The following CABLES1 variants were observed in gnomAD, a reference collection of about 807,000 sequenced individuals.
The protein encoded by CABLES1 is Cdk5 and Abl enzyme substrate 1.
CABLES1 carries 36 observed loss-of-function variants against 57.8 expected under a neutral mutation model. The observed-to-expected ratio is 0.62, with a 90% confidence interval of 0.48 to 0.82. CABLES1 has a LOEUF of 0.82. Ranked by LOEUF, CABLES1 falls within the 40% of genes least tolerant of loss-of-function variation. The probability of loss-of-function intolerance (pLI) is 0.00; values close to 1 mark genes in which losing one functional copy is unlikely to be tolerated. For missense variants in CABLES1, 767 were observed against 836.6 expected, an observed-to-expected ratio of 0.92 and a Z score of 1.03; for synonymous variants, 374 against 363.0, an observed-to-expected ratio of 1.03 and a Z score of -0.35.
intron 1 of CABLES1, among the ~76,000 whole-genome samples, chr18:23,166,683 A>G (rs567752887): frequency 1.1e-4 from 16 of 152,342 alleles, no homozygotes; most frequent in African/African-American, 3.8e-4. Context: ...TCTGTCAGTT[A>G]TAATTTTTTG....
At chr18:23,144,386 C>T (rs2046878402) in intron 1 of CABLES1, among the ~76,000 whole-genome samples, 2 of 152,350 alleles carry the variant, frequency 1.3e-5, no homozygotes, top group South Asian at 2.1e-4. Context: ...TGTTTTCATC[C>T]AGCAGTTGCT....
At chr18:23,185,707 A>G (rs1308470787) in intron 1 of CABLES1, among the ~76,000 whole-genome samples, 1 of 152,162 alleles carries the variant, frequency 6.6e-6, no homozygotes, top group East Asian at 1.9e-4. Flanking sequence ...TTGCCTATTT[A>G]CTGGTCACCT....
intron 9 of CABLES1, 71 bp downstream of exon 9, chr18:23,254,007 C>T (rs899875968): frequency 1.9e-5 from 25 of 1,301,036 alleles, no homozygotes; most frequent in South Asian, 3.6e-5. Flanking sequence ...CAGAAGGATT[C>T]GGTCAGTGAC....
At chr18:23,209,558 C>T (rs773184122) in intron 3 of CABLES1, among the ~76,000 whole-genome samples, 101 of 152,262 alleles carry the variant, frequency 6.6e-4, no homozygotes, top group Admixed American at 1.5e-3. Context: ...CACCCCTGGG[C>T]TGTGTTTGGG....
chr18:23,182,804 G>A (rs1366152216), intron 1 of CABLES1, among the ~76,000 whole-genome samples: 2 of 152,202 alleles, frequency 1.3e-5, no homozygotes, highest in Non-Finnish European at 2.9e-5. Context: ...TAGGGGATTG[G>A]CCTTGATCAG....
rs138828284 is a variant in CABLES1, at chr18:23,189,874, A to G, written c.917+965A>G. Among the ~76,000 whole-genome samples, 333 of 152,364 alleles carry G rather than the reference A, an allele frequency of 2.2e-3. 4 individuals carry two copies. The highest frequency in any genetic ancestry group is 3.6e-3 in the Non-Finnish European group (243 of 68,036). On this transcript the variant is annotated intron_variant, in intron 2 of 9. Coordinates refer to ENST00000256925, the MANE Select transcript of CABLES1 (RefSeq NM_001100619.3). ...GCCCATGTCTGTAGGCTCCGCCTGC[A>G]TGAAGAACAGAGGGCAGAGTGAGCA...
chr18:23,178,072 C>T (rs564664388), intron 1 of CABLES1, among the ~76,000 whole-genome samples: 1 of 152,306 alleles, frequency 6.6e-6, no homozygotes, highest in Non-Finnish European at 1.5e-5. Flanking sequence ...TTTCCCTTTC[C>T]AATATTCCCT....
intron 9 of CABLES1, 135 bp from the exon 10 acceptor site, chr18:23,257,092 T>A: frequency 1.0e-6 from 1 of 961,740 alleles, no homozygotes; most frequent in South Asian, 1.6e-5. Context: ...CCTCCCTTTC[T>A]TCCTCCACAG....
chr18:23,236,065 G>C lies in CABLES1; in HGVS notation c.1342+14G>C. 1 of 1,613,216 alleles carries C rather than the reference G, an allele frequency of 6.2e-7. No homozygotes were observed. Among genetic ancestry groups the C allele is most frequent in the Non-Finnish European group, 8.5e-7 (1 of 1,179,772 alleles). On this transcript the variant is annotated intron_variant, in intron 6 of 9. Transcript: ENST00000256925. The stretch of plus-strand genomic sequence containing the variant: ...GCCTCGACACAGGTAACCTTGGCCT[G>C]GCTGGGTCTGGTAGCTCGTGGTGGG...
At chr18:23,135,200 T>C (rs1249922933), upstream of CABLES1, among the ~76,000 whole-genome samples, 2 of 152,086 alleles carry the variant, frequency 1.3e-5, no homozygotes, top group African/African-American at 4.8e-5. Flanking sequence ...CGCACCTGGC[T>C]TCCGCGGCCC....
intron 1 of CABLES1, among the ~76,000 whole-genome samples, chr18:23,143,808 G>A (rs2046873434): frequency 9.9e-6 from 1 of 100,778 alleles, no homozygotes; most frequent in South Asian, 4.0e-4. Flanking sequence ...CCTGGCTTCT[G>A]TTTGGACCCC....
intron 7 of CABLES1, among the ~76,000 whole-genome samples, chr18:23,246,070 A>T (rs2047870885): frequency 6.6e-6 from 1 of 152,144 alleles, no homozygotes; most frequent in Non-Finnish European, 1.5e-5. Flanking sequence ...GATCGAGACC[A>T]TCCTGGCCAA....
chr18:23,206,272 C>T (rs930464470), intron 3 of CABLES1, among the ~76,000 whole-genome samples: 14 of 152,212 alleles, frequency 9.2e-5, no homozygotes, highest in African/African-American at 2.7e-4. Flanking sequence ...TCCCAAACCC[C>T]GACTTCCCCA....
At position 23,235,796 on chromosome 18, in the gene CABLES1, G is replaced by A. The variant is rs2047603078; in HGVS notation, c.1186-99G>A. 1.4e-5 allele frequency: 16 copies of A among 1,183,044 alleles called. No individual in the cohort carries two copies. In the South Asian group the frequency reaches 2.3e-4, roughly 17 times the overall value. 73.3% of individuals were successfully genotyped at this position (1,183,044 alleles called of 1,614,324 possible). ...ATTTCAGAATTGCAAATAGGAGAAAGTGGACCTGAATGTGGGGTGACAACT... is the reference window on the plus strand; with the variant it reads ...ATTTCAGAATTGCAAATAGGAGAAAATGGACCTGAATGTGGGGTGACAACT... On this transcript the variant is annotated intron_variant, in intron 5 of 9. Transcript: ENST00000256925.
In CABLES1 at chr18:23,135,998, C is replaced by T. The variant is rs2046816624; in HGVS notation, c.236C>T (p.Pro79Leu). 1.8e-6 allele frequency: 2 copies of T among 1,139,542 alleles called. No individual in the cohort carries two copies. Among genetic ancestry groups the T allele is most frequent in the South Asian group, 4.1e-5 (1 of 24,600 alleles). The allele number at this position is 1,139,542 out of a possible 1,614,324, so 70.6% of individuals were successfully genotyped here. Reference sequence around the variant, plus strand: ...AACATCTCGCTGGACGGCCGGCTGCCGCCGCAGGACGCGGAGTGGGGCGGT... The same window carrying T: ...AACATCTCGCTGGACGGCCGGCTGCTGCCGCAGGACGCGGAGTGGGGCGGT... ...LTNISLDGRL[P>L]PQDAEWGGGE... is the part of the protein sequence containing the mutation. Residue 79 changes from proline to leucine, a missense_variant, in exon 1 of 10, where the codon CCG becomes CTG. Coordinates refer to ENST00000256925, the MANE Select transcript of CABLES1 (RefSeq NM_001100619.3).
rs1490411691 is a variant in CABLES1 at position 23,257,324 on chromosome 18, A to G, written c.1859A>G (p.His620Arg). 1.9e-6 allele frequency: 3 copies of G among 1,613,932 alleles called. No homozygotes were observed. In the South Asian group the frequency reaches 3.3e-5, roughly 18 times the overall value. ...GAATTCGCCCTCCACTTGCCCGAGC[A>G]CGAAGTCATGCCCCACTACAGACGG... ...ALEFALHLPE[H>R]EVMPHYRRLV... Residue 620 changes from histidine to arginine, a missense_variant, in exon 10 of 10, where the codon CAC becomes CGC. Transcript: ENST00000256925.
chr18:23,165,243 CA>C (rs1213240498), intron 1 of CABLES1, among the ~76,000 whole-genome samples: 1 of 152,108 alleles, frequency 6.6e-6, no homozygotes, highest in African/African-American at 2.4e-5. Flanking sequence ...CCACCACACC[CA>C]GCTAATTTTT....
Position 23,181,071 on chromosome 18 carries a change from AG to A in CABLES1, c.846-7766del, listed in dbSNP as rs369456972. On this transcript the variant is annotated intron_variant, in intron 1 of 9. Coordinates refer to ENST00000256925, the MANE Select transcript of CABLES1 (RefSeq NM_001100619.3). ...AGGTTCCCAGAGTCTATAAGGTTGA[AG>A]TGGGACTTCTTGCTGTCCAGCCCTG... Among the ~76,000 whole-genome samples, 78 of 152,246 alleles carry A rather than the reference AG, an allele frequency of 5.1e-4. 1 individual carries two copies. Among genetic ancestry groups the A allele is most frequent in the African/African-American group, 1.8e-3 (75 of 41,528 alleles).
At chr18:23,227,891 A>C (rs894714981) in intron 4 of CABLES1, among the ~76,000 whole-genome samples, 27 of 152,162 alleles carry the variant, frequency 1.8e-4, no homozygotes, top group African/African-American at 5.3e-4. Flanking sequence ...TGACACATCA[A>C]AGTGTTCAAC....
Sources: gnomAD v4.1 joint callset for allele counts (sites outside exome capture counted in the v4.1 genomes callset) on GRCh38, gnomAD v4.1.1 for gene constraint, MANE v1.5 for transcripts, NCBI Gene and HGNC (gene_info 2026-07-23, HGNC 2026-07-21) for gene names.